The following NEDD4L variants were observed in gnomAD, a reference collection of about 807,000 sequenced individuals.
NEDD4L encodes the protein NEDD4 like E3 ubiquitin protein ligase.
NEDD4L carries 54 observed loss-of-function variants against 148.9 expected under a neutral mutation model. The ratio of observed to expected loss-of-function variants is 0.36; its 90% CI spans 0.29 to 0.45. The LOEUF is 0.45. Among genes scored for constraint, NEDD4L ranks in the 20% least tolerant of loss-of-function variants. NEDD4L has a pLI of 1.00. For missense variants in NEDD4L, 856 were observed against 1,233.8 expected, an observed-to-expected ratio of 0.69 and a Z score of 4.59; for synonymous variants, 433 against 440.7, an observed-to-expected ratio of 0.98 and a Z score of 0.22.
intron 1 of NEDD4L, among the ~76,000 whole-genome samples, chr18:58,081,833 C>T (rs2083447307): frequency 1.3e-5 from 2 of 151,948 alleles, no homozygotes; most frequent in South Asian, 4.2e-4. Context: ...CAGGCAGTTT[C>T]TCCATAACAA....
intron 1 of NEDD4L, chr18:58,046,665 G>C (rs2081599877): frequency 1.3e-5 from 2 of 152,164 alleles, no homozygotes; most frequent in South Asian, 4.1e-4. Context: ...CTGATGTCTA[G>C]TGTGAAAGTG....
intron 11 of NEDD4L, among the ~76,000 whole-genome samples, chr18:58,331,733 C>A (rs1217556033): frequency 6.6e-6 from 1 of 152,104 alleles, no homozygotes; most frequent in Non-Finnish European, 1.5e-5. Context: ...AGTCACTCCA[C>A]TGAAAATGGC....
chr18:58,127,549 A>T (rs2031339477), intron 1 of NEDD4L, among the ~76,000 whole-genome samples: 1 of 152,098 alleles, frequency 6.6e-6, no homozygotes, highest in Admixed American at 6.5e-5. Flanking sequence ...ATTTAAAAAA[A>T]AAAAAATCGG....
chr18:58,209,825 A>C (rs2147681730), intron 2 of NEDD4L, among the ~76,000 whole-genome samples: 1 of 152,296 alleles, frequency 6.6e-6, no homozygotes, highest in East Asian at 1.9e-4. Context: ...AACTCTCATT[A>C]TCCTAACTCA....
chr18:58,047,454 C>T (rs1018378637), intron 1 of NEDD4L: 7 of 985,332 alleles, frequency 7.1e-6, no homozygotes, highest in Non-Finnish European at 8.4e-6. Context: ...TGCCAAAGCA[C>T]AGGGCTTAGG....
chr18:58,316,119 C>G (rs2058233313), intron 6 of NEDD4L, 87 bp downstream of exon 6: 1 of 1,089,580 alleles, frequency 9.2e-7, no homozygotes, highest in Non-Finnish European at 1.4e-6. Context: ...AGTGGCATTT[C>G]TTCACCACGG....
At chr18:58,121,110 T>G (rs926367234) in intron 1 of NEDD4L, among the ~76,000 whole-genome samples, 1 of 152,164 alleles carries the variant, frequency 6.6e-6, no homozygotes, top group Non-Finnish European at 1.5e-5. Flanking sequence ...CTCTTTTTTT[T>G]GGTGGGGAGA....
intron 1 of NEDD4L, among the ~76,000 whole-genome samples, chr18:58,139,907 GGTTAT>G (rs1568272714): frequency 6.6e-6 from 1 of 152,202 alleles, no homozygotes; most frequent in African/African-American, 2.4e-5. Flanking sequence ...AGGCTTTGTA[GGTTAT>G]GTTAAGGCTC....
intron 1 of NEDD4L, among the ~76,000 whole-genome samples, chr18:58,130,340 G>T (rs1418915482): frequency 6.8e-6 from 1 of 146,796 alleles, no homozygotes; most frequent in Admixed American, 6.8e-5. Flanking sequence ...GTCGGGCTCT[G>T]TTGGGGTTTG....
intron 2 of NEDD4L, chr18:58,194,093 A>C (rs2040407689): frequency 1.3e-5 from 2 of 152,284 alleles, no homozygotes; most frequent in Admixed American, 1.3e-4. Context: ...TCTGTGGGAA[A>C]GAATGAAGGT....
At position 58,391,483 on chromosome 18, in the gene NEDD4L, C is replaced by T. The variant is rs116251315; in HGVS notation, c.2753-4C>T. 9.2e-4 allele frequency: 1,449 copies of T among 1,570,826 alleles called. 12 individuals are homozygous for T. In the African/African-American group the frequency reaches 0.018, roughly 19 times the overall value. On this transcript the variant is annotated splice_region_variant and splice_polypyrimidine_tract_variant and intron_variant, in intron 29 of 30. Transcript: ENST00000400345. ...TTAACATTTCTTTTTCTTTTCTTGT[C>T]TAGGTTCCAATGGTCCTCAGCTGTT...
chr18:58,315,180 G>C (rs1006842826), intron 5 of NEDD4L, among the ~76,000 whole-genome samples: 2 of 152,016 alleles, frequency 1.3e-5, no homozygotes, highest in Non-Finnish European at 2.9e-5. Flanking sequence ...TTTGCTTCTC[G>C]GGTCATCTAA....
chr18:58,397,643 GAGAC>G lies in NEDD4L; in HGVS notation c.*1378_*1381del, dbSNP rs981005173. ...GCCTCTTGTGTGCTAGATTAAAAGT[GAGAC>G]AGAGACTTGACTTGATCCTCTGAGC... On this transcript the variant is annotated 3_prime_UTR_variant, in exon 31 of 31. Transcript: ENST00000400345. 5 of 152,576 alleles carry G rather than the reference GAGAC, an allele frequency of 3.3e-5. No homozygotes were observed. The highest frequency in any genetic ancestry group is 7.2e-5 in the African/African-American group (3 of 41,466). 9.5% of individuals were successfully genotyped at this position (152,576 alleles called of 1,614,324 possible). A position where few individuals can be genotyped will look rare whatever the true frequency, so the allele number is the denominator to read the frequency against.
chr18:58,161,864 A>G (rs922104091), intron 1 of NEDD4L, among the ~76,000 whole-genome samples: 1 of 152,160 alleles, frequency 6.6e-6, no homozygotes, highest in African/African-American at 2.4e-5. Flanking sequence ...AAGAGGCCTC[A>G]TACCTTTTGG....
At chr18:58,153,653 G>GTTT (rs140940918) in intron 1 of NEDD4L, among the ~76,000 whole-genome samples, 6 of 146,058 alleles carry the variant, frequency 4.1e-5, no homozygotes, top group Non-Finnish European at 7.5e-5. Flanking sequence ...TTTGCGAAAC[G>GTTT]TTTTTTTTTT....
intron 5 of NEDD4L, among the ~76,000 whole-genome samples, chr18:58,285,416 C>T (rs1293529075): frequency 6.6e-6 from 1 of 151,588 alleles, no homozygotes; most frequent in East Asian, 1.9e-4. Context: ...GCAACCTCCA[C>T]CTCCCAGGTT....
intron 2 of NEDD4L, among the ~76,000 whole-genome samples, chr18:58,187,538 TATAA>T (rs2039610541): frequency 6.6e-6 from 1 of 152,224 alleles, no homozygotes; most frequent in Non-Finnish European, 1.5e-5. Flanking sequence ...CTTCACTACA[TATAA>T]ACCTTTGACT....
chr18:58,239,569 G>C (rs1243089986), intron 2 of NEDD4L, among the ~76,000 whole-genome samples: 1 of 152,130 alleles, frequency 6.6e-6, no homozygotes, highest in Non-Finnish European at 1.5e-5. Flanking sequence ...TGATAAAAAT[G>C]AGCAAATAAT....
At chr18:58,186,487 A>G (rs1174667996) in intron 2 of NEDD4L, among the ~76,000 whole-genome samples, 1 of 152,054 alleles carries the variant, frequency 6.6e-6, no homozygotes, top group Non-Finnish European at 1.5e-5. Flanking sequence ...TTCTGTCTTC[A>G]TTTCCTTTTC....
Sources: allele counts gnomAD v4.1 joint callset (sites outside exome capture counted in the v4.1 genomes callset), GRCh38; gene constraint gnomAD v4.1.1; transcripts MANE v1.5; gene names NCBI Gene and HGNC (gene_info 2026-07-23, HGNC 2026-07-21).